The following OTOF variants were observed in gnomAD, a reference collection of about 807,000 sequenced individuals.
OTOF encodes otoferlin.
Under a neutral mutation model 236.8 loss-of-function variants are expected in OTOF, and 218 were observed. The observed-to-expected ratio is 0.92, with a 90% CI of 0.82 to 1.03. The LOEUF (loss-of-function observed/expected upper bound fraction) is 1.03, where lower values mean the gene tolerates loss of function less well. Ranked by LOEUF, OTOF falls within the 50% of genes least tolerant of loss-of-function variation. The probability of loss-of-function intolerance (pLI) is 0.00; values close to 1 mark genes in which losing one functional copy is unlikely to be tolerated. For synonymous variants in OTOF, 1,041 were observed against 1,072.5 expected (o/e 0.97, Z 0.57); for missense variants, 2,590 against 2,694.4 (o/e 0.96, Z 0.86).
rs1664914180 is a variant in OTOF, at chr2:26,470,300, C to A, written c.4023+293G>T. 3.9e-5 allele frequency among the ~76,000 whole-genome samples: 6 copies of A among 152,154 alleles called. No homozygotes were observed. In the South Asian group the frequency reaches 1.0e-3, roughly 26 times the overall value. ...CGGAGGCCCATCAGGGCAGGTGTGG[C>A]ATCTTTTGGCTCCCATAGCACCTAG... On this transcript the variant is annotated intron_variant, in intron 32 of 46. Transcript: ENST00000272371. This position sits in a 1 kb window ranked among gnomAD's most constrained non-coding sequence, Gnocchi z 4.3.
Position 26,461,548 on chromosome 2 carries a change from G to T in OTOF, c.5533+148C>A. The T allele has an allele frequency of 9.0e-7, 1 of 1,105,640 alleles. No individual in the cohort carries two copies. The highest frequency in any genetic ancestry group is 1.3e-6 in the Non-Finnish European group (1 of 759,344). The allele number at this position is 1,105,640 out of a possible 1,614,324, so 68.5% of individuals were successfully genotyped here. A position where few individuals can be genotyped will look rare whatever the true frequency, so the allele number is the denominator to read the frequency against. On this transcript the variant is annotated intron_variant, in intron 43 of 46. Coordinates refer to ENST00000272371, the MANE Select transcript of OTOF (RefSeq NM_194248.3). The surrounding 1 kb of genome is among the most constrained non-coding windows in gnomAD (Gnocchi z 6.2). ...ACGGTTAGGTGGGTCCTTGGGGGCGGAACCCCGTCGGACACCCCTGGCTCT... is the reference window on the plus strand; with the variant it reads ...ACGGTTAGGTGGGTCCTTGGGGGCGTAACCCCGTCGGACACCCCTGGCTCT...
intron 5 of OTOF, among the ~76,000 whole-genome samples, chr2:26,508,542 T>C (rs1233475744): frequency 6.6e-6 from 1 of 152,226 alleles, no homozygotes; most frequent in Admixed American, 6.5e-5. Flanking sequence ...CCCAGGATTG[T>C]CAGGGAAGCT....
At chr2:26,531,740 G>A (rs1666953511) in intron 2 of OTOF, among the ~76,000 whole-genome samples, 2 of 152,142 alleles carry the variant, frequency 1.3e-5, no homozygotes, top group Non-Finnish European at 2.9e-5. Flanking sequence ...TGAGGATTTT[G>A]AGGGTTTGGG....
At chr2:26,537,629 C>T in intron 2 of OTOF, 87 bp downstream of exon 2, 1 of 996,834 alleles carries the variant, frequency 1.0e-6, no homozygotes, top group Non-Finnish European at 1.6e-6. Flanking sequence ...GGATTTGGGG[C>T]CAGTGTGTGC....
intron 5 of OTOF, among the ~76,000 whole-genome samples, chr2:26,511,321 G>T (rs565258985): frequency 2.0e-5 from 3 of 152,246 alleles, no homozygotes; most frequent in African/African-American, 7.2e-5. Flanking sequence ...AGGGGTGTAG[G>T]TGGGGCGGTA....
intron 5 of OTOF, among the ~76,000 whole-genome samples, chr2:26,512,330 G>A (rs1022874207): frequency 6.6e-5 from 10 of 152,226 alleles, no homozygotes; most frequent in African/African-American, 2.4e-4. Flanking sequence ...GACTCCTAAA[G>A]ACAGCATCAA....
chr2:26,476,535 CCTCCTTCCCCA>C (rs1267103515), intron 22 of OTOF, among the ~76,000 whole-genome samples: 8 of 45,962 alleles, frequency 1.7e-4, no homozygotes, highest in Non-Finnish European at 2.5e-4. Context: ...CCTTCCCCCA[CCTCCTTCCCCA>C]CCCCTTCCCC....
chr2:26,475,827 A>C (rs1276493358), intron 24 of OTOF, 87 bp downstream of exon 24: 2 of 1,505,210 alleles, frequency 1.3e-6, no homozygotes, highest in East Asian at 4.9e-5. Context: ...CCACAGGCTC[A>C]CAGGCCCCAC....
chr2:26,459,441 A>G (rs567915052), intron 46 of OTOF, among the ~76,000 whole-genome samples: 8 of 151,760 alleles, frequency 5.3e-5, no homozygotes, highest in African/African-American at 9.7e-5. Context: ...AGTCCCAGCT[A>G]CTCAGGAGGC....
chr2:26,558,747 A>G lies in OTOF; in HGVS notation c.-176T>C. 1.7e-6 allele frequency: 1 copy of G among 598,022 alleles called. No individual in the cohort carries two copies. Among genetic ancestry groups the G allele is most frequent in the Non-Finnish European group, 3.0e-6 (1 of 334,036 alleles). 37.0% of individuals were successfully genotyped at this position (598,022 alleles called of 1,614,324 possible). On this transcript the variant is annotated 5_prime_UTR_variant, in exon 1 of 47. Transcript: ENST00000272371. The stretch of plus-strand genomic sequence containing the variant: ...CCAAGCCGAGCTAAGCTGCTCCTGC[A>G]GCGACTCACAGAGCCTCACAGCCCC...
At chr2:26,459,552 CAAA>C (rs58695074) in intron 46 of OTOF, among the ~76,000 whole-genome samples, 41 of 69,092 alleles carry the variant, frequency 5.9e-4, no homozygotes, top group South Asian at 2.3e-3. Context: ...ACTCTGTCTC[CAAA>C]AAAAAAAAAA....
At chr2:26,506,229 A>G (rs1666244745) in intron 5 of OTOF, among the ~76,000 whole-genome samples, 2 of 151,968 alleles carry the variant, frequency 1.3e-5, no homozygotes, top group African/African-American at 4.8e-5. Flanking sequence ...CTGCTCAACT[A>G]TGTCTCTCCT....
At chr2:26,535,140 C>T (rs1180123730) in intron 2 of OTOF, among the ~76,000 whole-genome samples, 2 of 152,148 alleles carry the variant, frequency 1.3e-5, no homozygotes, top group East Asian at 3.8e-4. Flanking sequence ...CCACTTTGCC[C>T]AGGGAGAAAT....
At chr2:26,489,820 G>A (rs567956719) in intron 9 of OTOF, 80 bp from the exon 10 acceptor site, 61 of 1,079,344 alleles carry the variant, frequency 5.7e-5, no homozygotes, top group Middle Eastern at 4.0e-4. Flanking sequence ...CTCCCTCCTC[G>A]CAGGGCCTGT....
At position 26,474,130 on chromosome 2, in the gene OTOF, G is replaced by A; in HGVS notation, c.3289-20C>T. On this transcript the variant is annotated intron_variant, in intron 26 of 46. Coordinates refer to ENST00000272371, the MANE Select transcript of OTOF (RefSeq NM_194248.3). ...TCCAATCTGGGGAATGGGGGTCACA[G>A]GTCACACACTGGGGAGCCCAGGGAC... The A allele has an allele frequency of 6.2e-7, 1 of 1,612,634 alleles. No individual in the cohort carries two copies. The highest frequency in any genetic ancestry group is 8.5e-7 in the Non-Finnish European group (1 of 1,179,772).
chr2:26,525,022 T>C (rs1034285800), intron 3 of OTOF, among the ~76,000 whole-genome samples: 1 of 152,184 alleles, frequency 6.6e-6, no homozygotes, highest in Non-Finnish European at 1.5e-5. Flanking sequence ...CTTGTTCCTG[T>C]TTCTCCTGTC....
At position 26,461,605 on chromosome 2, in the gene OTOF, C is replaced by G. The variant is rs962204876; in HGVS notation, c.5533+91G>C. 40 of 1,564,910 alleles carry G rather than the reference C, an allele frequency of 2.6e-5. No homozygotes were observed. The highest frequency in any genetic ancestry group is 3.4e-4 in the Middle Eastern group (2 of 5,820). On this transcript the variant is annotated intron_variant, in intron 43 of 46. Transcript: ENST00000272371. The surrounding 1 kb of genome is among the most constrained non-coding windows in gnomAD (Gnocchi z 6.2). ...CTGGAAGCAATGACCCCTTGTCCCC[C>G]CAAGGCAGGGCTCTCCCTGTCCCCG...
At position 26,476,993 on chromosome 2, in the gene OTOF, C is replaced by A; in HGVS notation, c.2574G>T (p.Lys858Asn). ...AGGGCACACGGGCATAGGCGACACG[C>A]TTGTTGTTGCTCATCATCCAGATGA... Reference protein sequence around the residue: ...DIFIWMMSNNKRVAYARVPSK... With the variant: ...DIFIWMMSNNNRVAYARVPSK... Residue 858 changes from lysine (K) to asparagine (N), a missense_variant, in exon 22 of 47, where the codon AAG (lysine) becomes AAT (asparagine). Physicochemically the swap from Lys to Asn is moderately conservative, Grantham distance 94. Coordinates refer to ENST00000272371, the MANE Select transcript of OTOF (RefSeq NM_194248.3). The A allele has an allele frequency of 1.2e-6, 2 of 1,610,354 alleles. No individual in the cohort carries two copies. The highest frequency in any genetic ancestry group is 1.3e-5 in the African/African-American group (1 of 74,814).
intron 1 of OTOF, among the ~76,000 whole-genome samples, chr2:26,554,027 C>T (rs922011696): frequency 3.3e-5 from 5 of 151,964 alleles, no homozygotes; most frequent in East Asian, 1.9e-4. Context: ...AAAAATTAGT[C>T]GGGCATGGTG....
Sources: allele counts gnomAD v4.1 joint callset (sites outside exome capture counted in the v4.1 genomes callset), GRCh38; gene constraint gnomAD v4.1.1; non-coding constraint Gnocchi (gnomAD v3.1); transcripts MANE v1.5; gene names NCBI Gene and HGNC (gene_info 2026-07-23, HGNC 2026-07-21).